SYNJ1: variants seen among roughly 807,000 people sequenced by gnomAD.
SYNJ1 encodes polyphosphatidylinositol phosphatase SYNJ1.
In SYNJ1, 78 loss-of-function variants were observed where a neutral mutation model predicts 168.2. That is an observed-to-expected ratio of 0.46 (90% CI 0.39 to 0.56). SYNJ1 has a LOEUF of 0.56. Ranked by LOEUF, SYNJ1 falls within the 20% of genes least tolerant of loss-of-function variation. The probability of loss-of-function intolerance (pLI) is 0.00; values close to 1 mark genes in which losing one functional copy is unlikely to be tolerated. For synonymous variants in SYNJ1, 539 were observed against 548.6 expected (o/e 0.98, Z 0.24); for missense variants, 1,303 against 1,597.6 (o/e 0.82, Z 3.14).
At chr21:32,700,133 G>A in intron 3 of SYNJ1, 28 bp from the exon 4 acceptor site, 1 of 1,561,890 alleles carries the variant, frequency 6.4e-7, no homozygotes, top group Non-Finnish European at 8.7e-7. Flanking sequence ...TTTACTGGAT[G>A]AAAAATCCCA....
intron 2 of SYNJ1, among the ~76,000 whole-genome samples, chr21:32,722,831 T>G (rs1185110590): frequency 6.6e-6 from 1 of 152,160 alleles, no homozygotes; most frequent in Non-Finnish European, 1.5e-5. Context: ...TACAAGAGTA[T>G]TAGCACTTGG....
intron 21 of SYNJ1, chr21:32,653,817 A>T (rs2040362359): frequency 6.6e-6 from 1 of 152,378 alleles, no homozygotes; most frequent in Non-Finnish European, 1.5e-5. Context: ...CTATGATCAA[A>T]AAAGATGAGA....
At chr21:32,634,911 G>A (rs778136547) in intron 31 of SYNJ1, 27 bp from the exon 32 acceptor site, 36 of 1,613,192 alleles carry the variant, frequency 2.2e-5, no homozygotes, top group East Asian at 4.5e-5. Context: ...AGACATCAAA[G>A]GAAAGAGTTA....
intron 4 of SYNJ1, among the ~76,000 whole-genome samples, chr21:32,697,249 A>G (rs537377990): frequency 1.5e-4 from 23 of 152,336 alleles, no homozygotes; most frequent in Non-Finnish European, 2.6e-4. Flanking sequence ...CTCTTTGGCT[A>G]CAAAAATTAC....
At chr21:32,638,137 T>C (rs2039663862) in intron 31 of SYNJ1, among the ~76,000 whole-genome samples, 2 of 152,200 alleles carry the variant, frequency 1.3e-5, no homozygotes, top group South Asian at 4.1e-4. Flanking sequence ...GGAGCGATCA[T>C]GGCTCACTGC....
intron 2 of SYNJ1, among the ~76,000 whole-genome samples, chr21:32,724,994 G>A (rs189653684): frequency 2.6e-5 from 4 of 152,200 alleles, no homozygotes; most frequent in Admixed American, 2.0e-4. Flanking sequence ...CAAAATAAAT[G>A]TTTTAGGGCC....
At chr21:32,726,173 T>C (rs2043446215) in intron 2 of SYNJ1, among the ~76,000 whole-genome samples, 1 of 152,202 alleles carries the variant, frequency 6.6e-6, no homozygotes, top group Non-Finnish European at 1.5e-5. Flanking sequence ...GTATCCAAAT[T>C]AATTTTAATT....
chr21:32,713,814 T>C (rs2042926686), intron 2 of SYNJ1, among the ~76,000 whole-genome samples: 1 of 152,196 alleles, frequency 6.6e-6, no homozygotes, highest in Non-Finnish European at 1.5e-5. Context: ...TGAAAGGAGC[T>C]AGATACCAAA....
At chr21:32,649,168 C>G (rs113135678) in intron 23 of SYNJ1, among the ~76,000 whole-genome samples, 2 of 152,302 alleles carry the variant, frequency 1.3e-5, no homozygotes, top group Non-Finnish European at 2.9e-5. Context: ...CTTACTTACA[C>G]GTAACACCCA....
At chr21:32,701,932 G>A in intron 3 of SYNJ1, 29 bp downstream of exon 3, 1 of 1,452,998 alleles carries the variant, frequency 6.9e-7, no homozygotes, top group Non-Finnish European at 9.3e-7. Flanking sequence ...ATGAAAAAAT[G>A]GATGAATTCT....
intron 8 of SYNJ1, among the ~76,000 whole-genome samples, chr21:32,686,686 C>T (rs844974): frequency 0.56 from 84,383 of 152,030 alleles, 24,124 homozygotes; most frequent in African/African-American, 0.69. Context: ...CTACTAGTGA[C>T]AGATAAACAT....
intron 15 of SYNJ1, among the ~76,000 whole-genome samples, chr21:32,669,226 A>G (rs1163693388): frequency 6.6e-6 from 1 of 152,236 alleles, no homozygotes; most frequent in African/African-American, 2.4e-5. Context: ...CCCTTAAAAG[A>G]ACTAATGACA....
intron 23 of SYNJ1, 145 bp downstream of exon 23, chr21:32,650,039 C>T (rs1034151478): frequency 1.5e-5 from 15 of 980,994 alleles, no homozygotes; most frequent in East Asian, 3.1e-5. Context: ...CATGAGCTGC[C>T]GCACCTGGCC....
chr21:32,645,136 A>G, intron 25 of SYNJ1, 130 bp from the exon 26 acceptor site: 2 of 817,038 alleles, frequency 2.4e-6, no homozygotes, highest in East Asian at 2.9e-5. Context: ...TACGTACTAC[A>G]AAAACTATTA....
intron 9 of SYNJ1, among the ~76,000 whole-genome samples, chr21:32,685,439 A>AT (rs1555902106): frequency 1.3e-5 from 2 of 148,840 alleles, no homozygotes; most frequent in African/African-American, 4.9e-5. Context: ...AAAAAAAAAA[A>AT]AAAAAAAAAA....
rs146282939 is a variant in SYNJ1, at chr21:32,649,771, A to C, written c.3037+413T>G. ...ATTTGTTTTGTTTTGTTTTGTTTTG[A>C]GACAGCCTCGCTCTGTTGCCCAGGC... On this transcript the variant is annotated intron_variant, in intron 23 of 32. Transcript: ENST00000674351. 1.2e-3 allele frequency among the ~76,000 whole-genome samples: 181 copies of C among 151,904 alleles called. 1 individual carries two copies. The highest frequency in any genetic ancestry group is 4.2e-3 in the African/African-American group (174 of 41,162).
chr21:32,723,209 T>C (rs1307430920), intron 2 of SYNJ1, among the ~76,000 whole-genome samples: 2 of 152,234 alleles, frequency 1.3e-5, no homozygotes, highest in Non-Finnish European at 1.5e-5. Context: ...TATGAGACTA[T>C]TTTCATTGTA....
chr21:32,661,417 G>C (rs1489142351), intron 18 of SYNJ1, among the ~76,000 whole-genome samples: 4 of 152,190 alleles, frequency 2.6e-5, no homozygotes, highest in Non-Finnish European at 4.4e-5. Flanking sequence ...GCTGGTTCTT[G>C]TGTGTACTTA....
intron 2 of SYNJ1, 83 bp from the exon 3 acceptor site, chr21:32,702,130 C>A (rs1482539712): frequency 2.0e-6 from 2 of 984,618 alleles, no homozygotes; most frequent in Non-Finnish European, 3.0e-6. Context: ...GAGTTTCAAT[C>A]AAAAGTTTCT....
Sources: gnomAD v4.1 joint callset for allele counts (sites outside exome capture counted in the v4.1 genomes callset) on GRCh38, gnomAD v4.1.1 for gene constraint, MANE v1.5 for transcripts, NCBI Gene and HGNC (gene_info 2026-07-23, HGNC 2026-07-21) for gene names.